Variants in SNCAIP observed in about 807,000 individuals in gnomAD.
SNCAIP encodes the protein synuclein alpha interacting protein.
In SNCAIP, 43 loss-of-function variants were observed where a neutral mutation model predicts 86.7. The observed-to-expected ratio is 0.50, with a 90% confidence interval of 0.39 to 0.64. The LOEUF is 0.64. Among genes scored for constraint, SNCAIP ranks in the 30% least tolerant of loss-of-function variants. The pLI is 0.00. For missense variants in SNCAIP, 981 were observed against 1,103.1 expected (o/e 0.89, Z 1.57); for synonymous variants, 417 against 427.2 (o/e 0.98, Z 0.29).
intron 9 of SNCAIP, 106 bp downstream of exon 9, chr5:122,450,043 T>C (rs1783378492): frequency 1.2e-6 from 1 of 828,308 alleles, no homozygotes; most frequent in East Asian, 2.6e-5. Flanking sequence ...CAGAAAACAT[T>C]TTCTTCTTAT....
chr5:122,415,860 GAA>G (rs1775202150), intron 3 of SNCAIP, among the ~76,000 whole-genome samples: 1 of 152,174 alleles, frequency 6.6e-6, no homozygotes, highest in African/African-American at 2.4e-5. Flanking sequence ...AGAAGGAAAG[GAA>G]ACCTGGTAAA....
intron 1 of SNCAIP, among the ~76,000 whole-genome samples, chr5:122,360,344 G>T (rs961128747): frequency 1.3e-5 from 2 of 152,156 alleles, no homozygotes; most frequent in Non-Finnish European, 2.9e-5. Flanking sequence ...CTGTCTTCCT[G>T]ACTGGCTCCT....
intron 1 of SNCAIP, among the ~76,000 whole-genome samples, chr5:122,361,857 A>G (rs1762285198): frequency 6.6e-6 from 1 of 152,218 alleles, no homozygotes; most frequent in African/African-American, 2.4e-5. Flanking sequence ...AAAATCTTTC[A>G]TACCATTTAT....
At chr5:122,367,583 A>G (rs189972819) in intron 1 of SNCAIP, among the ~76,000 whole-genome samples, 4 of 152,296 alleles carry the variant, frequency 2.6e-5, no homozygotes, top group Admixed American at 6.5e-5. Flanking sequence ...TAAGAGGCTC[A>G]GGGCTGGAGT....
intron 3 of SNCAIP, 121 bp downstream of exon 3, chr5:122,403,986 C>T (rs1772421973): frequency 6.8e-6 from 5 of 732,544 alleles, no homozygotes; most frequent in Admixed American, 2.0e-5. Context: ...TACGGCTTCT[C>T]CACTCACACC....
chr5:122,457,027 G>GGTTTTACTCTGTCACCCAGGCT (rs1784917911), intron 10 of SNCAIP, among the ~76,000 whole-genome samples: 1 of 151,998 alleles, frequency 6.6e-6, no homozygotes, highest in East Asian at 1.9e-4. Context: ...TTTGAGAAAG[G>GGTTTTACTCTGTCACCCAGGCT]GTTTTACTCT....
At chr5:122,351,165 T>C (rs1318936663) in intron 1 of SNCAIP, among the ~76,000 whole-genome samples, 4 of 152,198 alleles carry the variant, frequency 2.6e-5, no homozygotes, top group African/African-American at 4.8e-5. Flanking sequence ...AATTCTGCTT[T>C]GTGATATCTT....
intron 1 of SNCAIP, among the ~76,000 whole-genome samples, chr5:122,364,071 TCCTCA>T (rs1275695126): frequency 2.2e-4 from 33 of 152,244 alleles, no homozygotes; most frequent in African/African-American, 6.7e-4. Context: ...CCTCAAGTGA[TCCTCA>T]CCTCAGCTTC....
chr5:122,454,158 G>C (rs1033093383), intron 10 of SNCAIP, among the ~76,000 whole-genome samples: 1 of 152,210 alleles, frequency 6.6e-6, no homozygotes, highest in African/African-American at 2.4e-5. Flanking sequence ...ATGTGGGTAG[G>C]TGGATAGGTG....
chr5:122,382,227 G>T (rs1343058467), intron 1 of SNCAIP, among the ~76,000 whole-genome samples: 1 of 152,078 alleles, frequency 6.6e-6, no homozygotes, highest in East Asian at 1.9e-4. Context: ...ATTTCTTGGA[G>T]GCTTTGCTCA....
rs114988239 is a variant in SNCAIP, at chr5:122,410,281, A to G, written c.130+6416A>G. Among the ~76,000 whole-genome samples the G allele has an allele frequency of 8.4e-3, 1,280 of 152,298 alleles. 11 individuals carry two copies. The highest frequency in any genetic ancestry group is 0.018 in the Admixed American group (282 of 15,298). On this transcript the variant is annotated intron_variant, in intron 3 of 10. Transcript: ENST00000261368. The stretch of plus-strand genomic sequence containing the variant: ...GTATGGTTGTAATCACAATATGAGG[A>G]CAATTTTTGCTGCTTTTTCTGTTGC...
intron 1 of SNCAIP, among the ~76,000 whole-genome samples, chr5:122,366,800 T>C (rs1763287455): frequency 6.6e-6 from 1 of 152,074 alleles, no homozygotes; most frequent in African/African-American, 2.4e-5. Flanking sequence ...GTGGGAAAAT[T>C]CTGAAAGGTT....
chr5:122,421,975 C>T (rs1776450093), intron 3 of SNCAIP, among the ~76,000 whole-genome samples: 1 of 145,300 alleles, frequency 6.9e-6, no homozygotes, highest in Non-Finnish European at 1.5e-5. Context: ...TGCAAACCAA[C>T]ACACAATCTT....
chr5:122,367,225 A>G (rs1007078529), intron 1 of SNCAIP, among the ~76,000 whole-genome samples: 1 of 152,200 alleles, frequency 6.6e-6, no homozygotes, highest in African/African-American at 2.4e-5. Context: ...AGACTTGACC[A>G]TAGGGAGCAA....
At chr5:122,342,016 C>T (rs545405704) in intron 1 of SNCAIP, among the ~76,000 whole-genome samples, 1 of 152,310 alleles carries the variant, frequency 6.6e-6, no homozygotes, top group African/African-American at 2.4e-5. Flanking sequence ...CCACATCCCC[C>T]TCTAAGAGGG....
chr5:122,355,938 T>A (rs189581663), intron 1 of SNCAIP, among the ~76,000 whole-genome samples: 158 of 152,264 alleles, frequency 1.0e-3, no homozygotes, highest in Non-Finnish European at 1.8e-3. Flanking sequence ...AATTGGGTGG[T>A]CTATACCCCA....
chr5:122,340,152 AT>A (rs372818799), intron 1 of SNCAIP, among the ~76,000 whole-genome samples: 48 of 151,624 alleles, frequency 3.2e-4, no homozygotes, highest in Middle Eastern at 3.4e-3. Context: ...CTCTAGGGAG[AT>A]TTTTTTTTCC....
chr5:122,451,033 G>C lies in SNCAIP; in HGVS notation c.2186G>C (p.Gly729Ala). The C allele has an allele frequency of 6.2e-7, 1 of 1,614,120 alleles. No individual in the cohort carries two copies. The highest frequency in any genetic ancestry group is 8.5e-7 in the Non-Finnish European group (1 of 1,180,020). ...LMIKKHTLAS[G>A]GRRFPFSIKA... ...ATTAAGAAACACACCTTGGCATCAG[G>C]GGGACGCAGGTTTCCTTTCAGCATC... The change falls in exon 10 of 11, where the codon GGG (glycine) becomes GCG (alanine). Residue 729 changes from glycine (G) to alanine (A), a missense_variant. Gly to Ala is a moderately conservative substitution (Grantham distance 60, BLOSUM62 0). Transcript: ENST00000261368.
chr5:122,318,023 G>A (rs1752143743), intron 1 of SNCAIP, among the ~76,000 whole-genome samples: 1 of 151,890 alleles, frequency 6.6e-6, no homozygotes, highest in Non-Finnish European at 1.5e-5. Flanking sequence ...ATAACTCCCT[G>A]CTAAGAACCA....
Sources: gnomAD v4.1 joint callset for allele counts (sites outside exome capture counted in the v4.1 genomes callset) on GRCh38, gnomAD v4.1.1 for gene constraint, MANE v1.5 for transcripts, NCBI Gene and HGNC (gene_info 2026-07-23, HGNC 2026-07-21) for gene names.